CCDC74A: variants seen among roughly 807,000 people sequenced by gnomAD.
CCDC74A encodes the protein coiled-coil domain containing 74A, also known as coiled-coil domain-containing protein 74A.
Under a neutral mutation model 37.6 loss-of-function variants are expected in CCDC74A, and 38 were observed. The observed-to-expected ratio is 1.01, with a 90% CI of 0.78 to 1.33. The LOEUF (loss-of-function observed/expected upper bound fraction) is 1.33, where lower values mean the gene tolerates loss of function less well. Ranked by LOEUF, CCDC74A falls within the 40% of genes most tolerant of loss-of-function variation. The probability of loss-of-function intolerance (pLI) is 0.00; values close to 1 mark genes in which losing one functional copy is unlikely to be tolerated. For synonymous variants in CCDC74A, 134 were observed against 165.2 expected (o/e 0.81, Z 1.45); for missense variants, 340 against 403.4 (o/e 0.84, Z 1.35).
At position 131,532,666 on chromosome 2, in the gene CCDC74A, C is replaced by A; in HGVS notation, c.563C>A (p.Ala188Glu). ...NSQHQGRQMG[A>E]GAHPPMILPL... Reference sequence around the variant, plus strand: ...CAGCACCAGGGCAGGCAGATGGGGGCGGGGGCACACCCCCCAATGATCCTG... The same window carrying A: ...CAGCACCAGGGCAGGCAGATGGGGGAGGGGGCACACCCCCCAATGATCCTG... Residue 188 changes from alanine to glutamate, a missense_variant, in exon 5 of 8, where the codon GCG becomes GAG. Physicochemically the swap from Ala to Glu is moderately radical, Grantham distance 107. Transcript: ENST00000409856. The A allele has an allele frequency of 6.2e-7, 1 of 1,612,962 alleles. No homozygotes were observed.
At chr2:131,524,701 C>T (rs2104769488), upstream of CCDC74A, among the ~76,000 whole-genome samples, 1 of 151,962 alleles carries the variant, frequency 6.6e-6, no homozygotes, top group East Asian at 1.9e-4. Context: ...TGGATCAGCA[C>T]CTCCTCCTGC....
chr2:131,523,260 G>A (rs531954448), upstream of CCDC74A, among the ~76,000 whole-genome samples: 9 of 152,102 alleles, frequency 5.9e-5, no homozygotes, highest in Non-Finnish European at 1.0e-4. Flanking sequence ...CTTGACTCCC[G>A]AAGCCAGAAT....
In CCDC74A at chr2:131,533,272, G is replaced by A; in HGVS notation, c.813G>A (p.Leu271=). Residue 271 remains leucine (L), a synonymous_variant, in exon 8 of 8, where the codon CTG becomes CTA. Coordinates refer to ENST00000409856, the MANE Select transcript of CCDC74A (RefSeq NM_001258306.3). ...ACAGTCCCTCTACCCGCCCCAGCCTGAGCCCACCTGTGGCGGAGCGTGCCA... is the reference window on the plus strand; with the variant it reads ...ACAGTCCCTCTACCCGCCCCAGCCTAAGCCCACCTGTGGCGGAGCGTGCCA... ...VSTKSLSKKC[L]SPPVAERAIL... 1 of 1,612,888 alleles carries A rather than the reference G, an allele frequency of 6.2e-7. No individual in the cohort carries two copies. Among genetic ancestry groups the A allele is most frequent in the Non-Finnish European group, 8.5e-7 (1 of 1,179,876 alleles).
rs1476382087 is a variant in CCDC74A at position 131,532,887 on chromosome 2, G to A, written c.702G>A (p.Leu234=). The A allele has an allele frequency of 1.9e-6, 3 of 1,613,560 alleles. No individual in the cohort carries two copies. Among genetic ancestry groups the A allele is most frequent in the Non-Finnish European group, 2.5e-6 (3 of 1,179,688 alleles). The change falls in exon 6 of 8, where the codon CTG becomes CTA. Residue 234 remains leucine (L), a synonymous_variant. Coordinates refer to ENST00000409856, the MANE Select transcript of CCDC74A (RefSeq NM_001258306.3). Reference sequence around the variant, plus strand: ...AGCTGCGGCACCTCAAGTCCCTCCTGGAAGGGAGCCAGAGGCCCCAGGCAG... The same window carrying A: ...AGCTGCGGCACCTCAAGTCCCTCCTAGAAGGGAGCCAGAGGCCCCAGGCAG... ...TQELRHLKSL[L]EGSQRPQAAP...
upstream of CCDC74A, among the ~76,000 whole-genome samples, chr2:131,524,886 C>CAAAAAA (rs57589680): frequency 3.1e-5 from 3 of 98,250 alleles, no homozygotes; most frequent in African/African-American, 4.1e-5. Context: ...CATAGTAAGA[C>CAAAAAA]AAAAAAAAAA....
chr2:131,524,703 T>A (rs1680231887), upstream of CCDC74A, among the ~76,000 whole-genome samples: 2 of 151,838 alleles, frequency 1.3e-5, no homozygotes, highest in Non-Finnish European at 2.9e-5. Context: ...GATCAGCACC[T>A]CCTCCTGCCT....
At chr2:131,529,841 T>C in intron 2 of CCDC74A, 150 bp downstream of exon 2, 1 of 1,513,566 alleles carries the variant, frequency 6.6e-7, no homozygotes, top group South Asian at 1.3e-5. Context: ...TGCCGCTACC[T>C]CTAGCCGTGG....
rs551652544 is a variant in CCDC74A, at chr2:131,529,620, C to T, written c.251-27C>T. The stretch of plus-strand genomic sequence containing the variant: ...CAGAATAGCTGTGGTTTCACAAGTG[C>T]TGAGGAGAGCGTGTGCTTGCTTTCA... On this transcript the variant is annotated intron_variant, in intron 1 of 7. Transcript: ENST00000409856. The T allele has an allele frequency of 5.1e-5, 83 of 1,613,960 alleles. 1 individual carries two copies. In the South Asian group the frequency reaches 8.8e-4, roughly 17 times the overall value.
chr2:131,528,298 A>G, intron 1 of CCDC74A, 78 bp downstream of exon 1: 1 of 1,568,672 alleles, frequency 6.4e-7, no homozygotes, highest in Non-Finnish European at 8.6e-7. Flanking sequence ...GCACAGAAAC[A>G]CAGCCATCAA....
chr2:131,522,827 C>G (rs1208335376), upstream of CCDC74A, among the ~76,000 whole-genome samples: 2 of 152,174 alleles, frequency 1.3e-5, no homozygotes, highest in African/African-American at 4.8e-5. Context: ...ATACCTTTCC[C>G]CTTGGACATC....
chr2:131,528,934 TC>T (rs1680697664), intron 1 of CCDC74A, among the ~76,000 whole-genome samples: 1 of 76,076 alleles, frequency 1.3e-5, no homozygotes, highest in Non-Finnish European at 2.5e-5. Context: ...CCCCACCCCG[TC>T]CCCGCTTCGC....
rs369342573 is a variant in CCDC74A, at chr2:131,530,844, C to G, written c.346+17C>G. 213 of 1,607,492 alleles carry G rather than the reference C, an allele frequency of 1.3e-4. 2 individuals are homozygous for G. In the East Asian group the frequency reaches 1.4e-3, roughly 10 times the overall value. On this transcript the variant is annotated intron_variant, in intron 3 of 7. Transcript: ENST00000409856. The stretch of plus-strand genomic sequence containing the variant: ...CTAATTCAGGTGAGCAGGCTGGCGT[C>G]CATGTGCTCACAGGGGTGAGTGCCC...
chr2:131,526,750 C>T (rs34336008), upstream of CCDC74A, among the ~76,000 whole-genome samples: 2,335 of 152,222 alleles, frequency 0.015, 40 homozygotes, highest in Middle Eastern at 0.041. Flanking sequence ...TTAGGGGTTG[C>T]GCCATGTGTT....
chr2:131,530,202 G>A, intron 2 of CCDC74A: 1 of 1,548,818 alleles, frequency 6.5e-7, no homozygotes, highest in Non-Finnish European at 8.7e-7. Flanking sequence ...ACTTGTCCAA[G>A]GCACTTCCCC....
At chr2:131,527,269 C>T (rs1284505479), upstream of CCDC74A, among the ~76,000 whole-genome samples, 2 of 151,554 alleles carry the variant, frequency 1.3e-5, no homozygotes, top group Non-Finnish European at 2.9e-5. Context: ...GCCACCGCGC[C>T]CAGCCTCTTA....
chr2:131,529,272 T>A, intron 1 of CCDC74A: 2 of 423,370 alleles, frequency 4.7e-6, no homozygotes, highest in Non-Finnish European at 8.9e-6. Flanking sequence ...CAGTTCCTAA[T>A]GTCTTCTTGA....
In CCDC74A at chr2:131,528,012, C is replaced by A; in HGVS notation, c.42C>A (p.Ser14Arg). 1.4e-6 allele frequency: 2 copies of A among 1,471,420 alleles called. No individual in the cohort carries two copies. Among genetic ancestry groups the A allele is most frequent in the Non-Finnish European group, 1.8e-6 (2 of 1,113,096 alleles). 91.1% of individuals were successfully genotyped at this position (1,471,420 alleles called of 1,614,324 possible). A position where few individuals can be genotyped will look rare whatever the true frequency, so the allele number is the denominator to read the frequency against. Residue 14 changes from serine to arginine, a missense_variant, in exon 1 of 8, where the codon AGC (serine) becomes AGA (arginine). By Grantham distance (110) the Ser-to-Arg change is moderately radical. This residue lies in a region of CCDC74A where 154 missense variants were observed against 153.9 expected (regional missense o/e 1.00). Coordinates refer to ENST00000409856, the MANE Select transcript of CCDC74A (RefSeq NM_001258306.3). ...AGVAAGTRPPSSPTPGSRRRR... is the reference protein window; with the variant it reads ...AGVAAGTRPPRSPTPGSRRRR... ...TGGCGGCTGGGACGCGGCCCCCCAG[C>A]TCGCCGACCCCGGGCTCTCGGCGCC...
chr2:131,533,316 A>T lies in CCDC74A; in HGVS notation c.857A>T (p.Gln286Leu), dbSNP rs1681722376. 1 of 1,613,442 alleles carries T rather than the reference A, an allele frequency of 6.2e-7. No homozygotes were observed. The highest frequency in any genetic ancestry group is 2.2e-5 in the East Asian group (1 of 44,872). ...CGTGCCATCCTGCCCGCACTGAAGC[A>T]GACCCCGAAGAACAACTTTGCCGAG... Reference protein sequence around the residue: ...AERAILPALKQTPKNNFAERQ... With the variant: ...AERAILPALKLTPKNNFAERQ... Residue 286 changes from glutamine to leucine, a missense_variant, in exon 8 of 8, where the codon CAG becomes CTG. Gln to Leu is a moderately radical substitution (Grantham distance 113, BLOSUM62 -2). Coordinates refer to ENST00000409856, the MANE Select transcript of CCDC74A (RefSeq NM_001258306.3).
At chr2:131,524,886 C>CAAAAAAAAAAAAAAAAA (rs57589680), upstream of CCDC74A, among the ~76,000 whole-genome samples, 1 of 98,278 alleles carries the variant, frequency 1.0e-5, no homozygotes, top group African/African-American at 4.1e-5. Flanking sequence ...CATAGTAAGA[C>CAAAAAAAAAAAAAAAAA]AAAAAAAAAA....
Sources: allele counts gnomAD v4.1 joint callset (sites outside exome capture counted in the v4.1 genomes callset), GRCh38; gene constraint gnomAD v4.1.1; regional missense constraint gnomAD v4.1.1; transcripts MANE v1.5; gene names NCBI Gene and HGNC (gene_info 2026-07-23, HGNC 2026-07-21).